Variants in TMEM132C observed in about 807,000 individuals in gnomAD.
TMEM132C encodes the protein protein phosphatase 1, regulatory subunit 152.
Under a neutral mutation model 61.4 loss-of-function variants are expected in TMEM132C, and 29 were observed. The ratio of observed to expected loss-of-function variants is 0.47; its 90% confidence interval spans 0.35 to 0.64. The LOEUF is 0.64. TMEM132C is among the 30% of genes least tolerant of loss of function. The probability of loss-of-function intolerance (pLI) is 0.00; values close to 1 mark genes in which losing one functional copy is unlikely to be tolerated. For missense variants in TMEM132C, 1,408 were observed against 1,476.9 expected (o/e 0.95, Z 0.76); for synonymous variants, 656 against 633.1 (o/e 1.04, Z -0.54).
intron 4 of TMEM132C, among the ~76,000 whole-genome samples, chr12:128,628,870 G>A (rs1954042191): frequency 6.6e-6 from 1 of 152,182 alleles, no homozygotes; most frequent in African/African-American, 2.4e-5. Flanking sequence ...TTATTGTTTG[G>A]TATATGATTA....
intron 3 of TMEM132C, among the ~76,000 whole-genome samples, chr12:128,553,904 C>T (rs1035018309): frequency 1.2e-4 from 18 of 152,190 alleles, no homozygotes; most frequent in Middle Eastern, 3.2e-3. Flanking sequence ...GGAGGGACCC[C>T]GCGTGGTGCC....
intron 3 of TMEM132C, among the ~76,000 whole-genome samples, chr12:128,581,762 A>G (rs1048522791): frequency 6.6e-6 from 1 of 152,202 alleles, no homozygotes; most frequent in Non-Finnish European, 1.5e-5. Context: ...TAAAGGAACA[A>G]AGTTATGAGG....
intron 1 of TMEM132C, among the ~76,000 whole-genome samples, chr12:128,352,593 G>A (rs1873373727): frequency 6.6e-6 from 1 of 152,208 alleles, no homozygotes; most frequent in African/African-American, 2.4e-5. Flanking sequence ...TAGTCAGGTT[G>A]ACACATAAAA....
intron 1 of TMEM132C, among the ~76,000 whole-genome samples, chr12:128,357,546 T>C (rs1198294411): frequency 1.3e-5 from 2 of 151,734 alleles, no homozygotes; most frequent in Non-Finnish European, 2.9e-5. Context: ...AATACAAAAA[T>C]TAGCCAGGTG....
intron 3 of TMEM132C, among the ~76,000 whole-genome samples, chr12:128,604,771 GGATA>G (rs201564064): frequency 0.013 from 1,940 of 151,882 alleles, 36 homozygotes; most frequent in African/African-American, 0.044. Context: ...ATGGATGGAT[GGATA>G]GATAGATAAT....
intron 4 of TMEM132C, among the ~76,000 whole-genome samples, chr12:128,621,515 A>C (rs1360421658): frequency 3.3e-5 from 5 of 152,212 alleles, no homozygotes; most frequent in East Asian, 3.9e-4. Context: ...CCTAGGAGAG[A>C]GGCAAGGACG....
chr12:128,334,020 G>A (rs924618299), intron 1 of TMEM132C, among the ~76,000 whole-genome samples: 8 of 152,066 alleles, frequency 5.3e-5, no homozygotes, highest in African/African-American at 1.9e-4. Context: ...GTGACCAGGT[G>A]TGTGCTGTGT....
chr12:128,497,249 G>A (rs1396476267), intron 2 of TMEM132C, among the ~76,000 whole-genome samples: 4 of 152,322 alleles, frequency 2.6e-5, no homozygotes, highest in Admixed American at 1.3e-4. Flanking sequence ...CCTACTGGGC[G>A]GTGCCTCCCA....
At position 128,569,637 on chromosome 12, in the gene TMEM132C, C is replaced by T. The variant is rs1449036039; in HGVS notation, c.1121+25534C>T. Among the ~76,000 whole-genome samples, 6 of 152,230 alleles carry T rather than the reference C, an allele frequency of 3.9e-5. No homozygotes were observed. In the East Asian group the frequency reaches 9.6e-4, roughly 24 times the overall value. ...TAACCAGGTGACATGAAGACAGAGC[C>T]CACACTAGAGCGGCTTGTGGAGAGA... On this transcript the variant is annotated intron_variant, in intron 3 of 8. Transcript: ENST00000435159.
At chr12:128,312,174 C>A (rs756896036) in intron 1 of TMEM132C, among the ~76,000 whole-genome samples, 11 of 152,198 alleles carry the variant, frequency 7.2e-5, no homozygotes, top group Middle Eastern at 3.2e-3. Flanking sequence ...CCCCCCAAAT[C>A]TCATGTCCAC....
chr12:128,572,973 G>C (rs1156253379), intron 3 of TMEM132C, among the ~76,000 whole-genome samples: 1 of 152,248 alleles, frequency 6.6e-6, no homozygotes, highest in Non-Finnish European at 1.5e-5. Context: ...AGAGGATGTG[G>C]AGAAATGGGA....
At chr12:128,323,243 C>G (rs545265339) in intron 1 of TMEM132C, among the ~76,000 whole-genome samples, 1 of 152,330 alleles carries the variant, frequency 6.6e-6, no homozygotes, top group African/African-American at 2.4e-5. Flanking sequence ...GCCAAGAATT[C>G]TATCAGTTAA....
chr12:128,318,968 C>G (rs1394711021), intron 1 of TMEM132C, among the ~76,000 whole-genome samples: 1 of 152,184 alleles, frequency 6.6e-6, no homozygotes, highest in Non-Finnish European at 1.5e-5. Flanking sequence ...ACCTTACTTC[C>G]CCTAGAGCTT....
chr12:128,322,775 G>GCCAAAA (rs1872375331), intron 1 of TMEM132C, among the ~76,000 whole-genome samples: 2 of 152,148 alleles, frequency 1.3e-5, no homozygotes, highest in South Asian at 4.1e-4. Flanking sequence ...ATAATCTCTA[G>GCCAAAA]CCAAAACAGC....
At chr12:128,559,605 T>C (rs1236704156) in intron 3 of TMEM132C, among the ~76,000 whole-genome samples, 2 of 152,202 alleles carry the variant, frequency 1.3e-5, no homozygotes, top group East Asian at 3.8e-4. Flanking sequence ...GTTTGATCCT[T>C]TGAGACTCAT....
intron 3 of TMEM132C, among the ~76,000 whole-genome samples, chr12:128,581,725 C>T (rs2135559839): frequency 6.6e-6 from 1 of 152,280 alleles, no homozygotes; most frequent in East Asian, 1.9e-4. Context: ...GGCTCTGGTT[C>T]AGGGCGATCT....
chr12:128,687,318 T>C (rs962615334), intron 5 of TMEM132C, among the ~76,000 whole-genome samples: 12 of 152,074 alleles, frequency 7.9e-5, no homozygotes, highest in Admixed American at 5.9e-4. Flanking sequence ...GTTAATTCTT[T>C]GTTGTGGGGG....
intron 4 of TMEM132C, among the ~76,000 whole-genome samples, chr12:128,655,317 G>A (rs74776006): frequency 0.025 from 3,734 of 152,258 alleles, 156 homozygotes; most frequent in African/African-American, 0.086. Context: ...ACCTTACTGG[G>A]TGGAATTGCA....
intron 4 of TMEM132C, among the ~76,000 whole-genome samples, chr12:128,639,225 CAA>C (rs1389171149): frequency 1.6e-5 from 2 of 128,854 alleles, no homozygotes; most frequent in Non-Finnish European, 3.2e-5. Flanking sequence ...ATGATAATGA[CAA>C]TGGTGATGAT....
Sources: allele counts gnomAD v4.1 joint callset (sites outside exome capture counted in the v4.1 genomes callset), GRCh38; gene constraint gnomAD v4.1.1; transcripts MANE v1.5; gene names NCBI Gene and HGNC (gene_info 2026-07-23, HGNC 2026-07-21).